Variants in ANK2 observed in about 807,000 individuals in gnomAD.
The protein encoded by ANK2 is ankyrin 2.
ANK2 carries 83 observed loss-of-function variants against 360.5 expected under a neutral mutation model. The observed-to-expected ratio is 0.23, with a 90% CI of 0.19 to 0.28. The LOEUF (loss-of-function observed/expected upper bound fraction) is 0.28, where lower values mean the gene tolerates loss of function less well. Among genes scored for constraint, ANK2 ranks in the 10% least tolerant of loss-of-function variants. ANK2 has a pLI of 1.00. For missense variants in ANK2, 4,201 were observed against 4,795.7 expected (o/e 0.88, Z 3.66); for synonymous variants, 1,740 against 1,759.5 (o/e 0.99, Z 0.28).
chr4:112,979,422 C>T (rs1444402927), intron 2 of ANK2, among the ~76,000 whole-genome samples: 3 of 152,232 alleles, frequency 2.0e-5, no homozygotes, highest in Non-Finnish European at 4.4e-5. Flanking sequence ...GGTGTCACAG[C>T]CCTCGCTCGG....
chr4:113,260,830 T>C (rs1157505072), intron 13 of ANK2, among the ~76,000 whole-genome samples: 1 of 152,198 alleles, frequency 6.6e-6, no homozygotes, highest in East Asian at 1.9e-4. Flanking sequence ...CCAAAATTCT[T>C]TGCAAGTTGA....
chr4:113,128,805 CA>C (rs2095829605), intron 1 of ANK2, among the ~76,000 whole-genome samples: 1 of 152,014 alleles, frequency 6.6e-6, no homozygotes, highest in African/African-American at 2.4e-5. Context: ...AATATATACA[CA>C]GATAGATATA....
chr4:113,319,055 C>T (rs2084547060), intron 26 of ANK2, among the ~76,000 whole-genome samples: 1 of 152,114 alleles, frequency 6.6e-6, no homozygotes, highest in Non-Finnish European at 1.5e-5. Context: ...AATAATGTTA[C>T]AGAAGCTTGA....
At chr4:113,288,257 A>G (rs2065716433) in intron 19 of ANK2, 131 bp from the exon 20 acceptor site, 1 of 801,228 alleles carries the variant, frequency 1.2e-6, no homozygotes, top group African/African-American at 1.7e-5. Flanking sequence ...AATCTGCTAA[A>G]TAATATCTTT....
At position 113,091,177 on chromosome 4, in the gene ANK2, C is replaced by T. The variant is rs76212146; in HGVS notation, c.84+41365C>T. On this transcript the variant is annotated intron_variant, in intron 1 of 45. Coordinates refer to ENST00000357077, the MANE Select transcript of ANK2 (RefSeq NM_001148.6). ...CAGTAATACTTCAGCACAGATTGTA[C>T]CTGCTGTTTTTAAAATACTGCTTAT... Among the ~76,000 whole-genome samples, 362 of 152,242 alleles carry T rather than the reference C, an allele frequency of 2.4e-3. 13 individuals carry two copies. The East Asian group carries it at 0.063, about 27-fold the overall frequency.
intron 1 of ANK2, among the ~76,000 whole-genome samples, chr4:113,083,227 G>A (rs979633059): frequency 2.0e-5 from 3 of 152,108 alleles, no homozygotes; most frequent in African/African-American, 4.8e-5. Context: ...TGCCTATGCT[G>A]GAGTGCAGTG....
chr4:113,132,989 G>C (rs1254415891), intron 1 of ANK2, among the ~76,000 whole-genome samples: 2 of 152,272 alleles, frequency 1.3e-5, no homozygotes, highest in African/African-American at 4.8e-5. Flanking sequence ...CCAGCTGGAA[G>C]GATGCACTAG....
At chr4:113,004,998 C>G (rs532900053) in intron 2 of ANK2, among the ~76,000 whole-genome samples, 281 of 152,216 alleles carry the variant, frequency 1.8e-3, no homozygotes, top group African/African-American at 6.4e-3. Flanking sequence ...TGCTTTTTAA[C>G]TAAGACATGA....
rs1267316153 is a variant in ANK2 at position 113,152,073 on chromosome 4, AAAAAAG to A, written c.85-22337_85-22332del. 3.7e-3 allele frequency among the ~76,000 whole-genome samples: 171 copies of A among 46,288 alleles called. 11 individuals are homozygous for A. Among genetic ancestry groups the A allele is most frequent in the East Asian group, 0.016 (48 of 3,094 alleles). 30.4% of individuals were successfully genotyped at this position (46,288 alleles called of 152,430 possible). Reference sequence around the variant, plus strand: ...AGAGCAAGTCTCTGTCTCAAAAAAAAAAAAAGAAAAAAAAAAAAAAAGAAAAAAGAA... The same window carrying A: ...AGAGCAAGTCTCTGTCTCAAAAAAAAAAAAAAAAAAAAAAAGAAAAAAGAA... On this transcript the variant is annotated intron_variant, in intron 1 of 45. Transcript: ENST00000357077.
rs1562781839 is a variant in ANK2 at position 113,192,927 on chromosome 4, A to ATTTT, written c.187-3441_187-3440insTTTT. 5.4e-3 allele frequency among the ~76,000 whole-genome samples: 775 copies of ATTTT among 143,464 alleles called. 19 individuals are homozygous for ATTTT. The highest frequency in any genetic ancestry group is 0.053 in the East Asian group (271 of 5,126). The allele number at this position is 143,464 out of a possible 152,430, so 94.1% of individuals were successfully genotyped here. A position where few individuals can be genotyped will look rare whatever the true frequency, so the allele number is the denominator to read the frequency against. On this transcript the variant is annotated intron_variant, in intron 2 of 45. Transcript: ENST00000357077. ...ATATTTTAGGGATTGCATTATTTAA[A>ATTTT]AAAAAAAAAAAAAACAACCCTTGAT...
At chr4:113,044,304 C>T (rs1167435272) in intron 2 of ANK2, among the ~76,000 whole-genome samples, 1 of 152,180 alleles carries the variant, frequency 6.6e-6, no homozygotes, top group Admixed American at 6.6e-5. Flanking sequence ...AGTCTTTGCT[C>T]TTCCACCTTC....
chr4:112,865,425 G>T (rs1387164772), intron 1 of ANK2, among the ~76,000 whole-genome samples: 3 of 152,002 alleles, frequency 2.0e-5, no homozygotes, highest in Non-Finnish European at 4.4e-5. Flanking sequence ...GTTTATTCAG[G>T]TTTTAAAGAC....
At chr4:112,715,107 G>T in the ANK2 span, among the ~76,000 whole-genome samples, 1 of 152,202 alleles carries the variant, frequency 6.6e-6, no homozygotes, top group African/African-American at 2.4e-5. Context: ...TCTAAGATTT[G>T]CTCAGTCACA....
the ANK2 span, among the ~76,000 whole-genome samples, chr4:112,799,366 T>G: frequency 1.3e-5 from 2 of 152,168 alleles, no homozygotes; most frequent in African/African-American, 4.8e-5. Context: ...CATATTGTAA[T>G]TCCATTTTTA....
At chr4:113,066,339 G>A (rs2075610707) in intron 1 of ANK2, among the ~76,000 whole-genome samples, 1 of 152,160 alleles carries the variant, frequency 6.6e-6, no homozygotes. Context: ...TACTGGTGGG[G>A]TGCCTTTTAT....
intron 1 of ANK2, chr4:113,151,166 T>C (rs1488068115): frequency 7.9e-7 from 1 of 1,267,998 alleles, no homozygotes. Context: ...AGTAAAGACG[T>C]TGGTAACTAA....
chr4:113,250,497 T>C lies in ANK2; in HGVS notation c.990+635T>C, dbSNP rs938997914. ...TGGGAGAAGCACTTTTCCATATACA[T>C]GAGCACCACACTGTGAGTTGGTTTG... is the stretch of plus-strand genomic sequence containing the variant. On this transcript the variant is annotated intron_variant, in intron 10 of 45. Coordinates refer to ENST00000357077, the MANE Select transcript of ANK2 (RefSeq NM_001148.6). Among the ~76,000 whole-genome samples, 3 of 152,330 alleles carry C rather than the reference T, an allele frequency of 2.0e-5. No individual in the cohort carries two copies. The East Asian group carries it at 5.8e-4, about 29-fold the overall frequency.
At chr4:112,826,432 T>C (rs1346293721) in intron 1 of ANK2, 1 of 1,052,574 alleles carries the variant, frequency 9.5e-7, no homozygotes. Context: ...GCAGTAACTT[T>C]TGAAGAATCT....
At chr4:113,333,907 G>T (rs1563838089) in intron 29 of ANK2, among the ~76,000 whole-genome samples, 1 of 152,146 alleles carries the variant, frequency 6.6e-6, no homozygotes, top group Non-Finnish European at 1.5e-5. Flanking sequence ...AGTATGAAAA[G>T]AGGAAAGCGG....
Sources: allele counts gnomAD v4.1 joint callset (sites outside exome capture counted in the v4.1 genomes callset), GRCh38; gene constraint gnomAD v4.1.1; transcripts MANE v1.5; gene names NCBI Gene and HGNC (gene_info 2026-07-23, HGNC 2026-07-21).